The following GRK5 variants were observed in gnomAD, a reference collection of about 807,000 sequenced individuals.
The protein encoded by GRK5 is g protein-coupled receptor kinase GRK5.
In GRK5, 40 loss-of-function variants were observed where a neutral mutation model predicts 78.4. That is an observed-to-expected ratio of 0.51 (90% CI 0.40 to 0.66). The LOEUF (loss-of-function observed/expected upper bound fraction) is 0.66. Among genes scored for constraint, GRK5 ranks in the 30% least tolerant of loss-of-function variants. The pLI is 0.00. For synonymous variants in GRK5, 289 were observed against 296.8 expected (o/e 0.97, Z 0.27); for missense variants, 598 against 759.9 (o/e 0.79, Z 2.50).
intron 1 of GRK5, among the ~76,000 whole-genome samples, chr10:119,261,066 G>C (rs1178805158): frequency 5.5e-5 from 1 of 18,296 alleles, no homozygotes; most frequent in African/African-American, 9.6e-5. Flanking sequence ...CGGACGGGGC[G>C]GCTGGCCGGG....
intron 6 of GRK5, among the ~76,000 whole-genome samples, chr10:119,429,234 T>C (rs1379800112): frequency 6.6e-6 from 1 of 152,086 alleles, no homozygotes; most frequent in African/African-American, 2.4e-5. Flanking sequence ...ACCCTGGCTT[T>C]TCAGGGCCTT....
chr10:119,391,060 G>A (rs1851881149), intron 3 of GRK5, among the ~76,000 whole-genome samples: 1 of 152,210 alleles, frequency 6.6e-6, no homozygotes, highest in Admixed American at 6.5e-5. Context: ...GGTGGCTGTG[G>A]TACCTCAGGA....
At chr10:119,323,090 A>G (rs1195865496) in intron 1 of GRK5, among the ~76,000 whole-genome samples, 1 of 152,258 alleles carries the variant, frequency 6.6e-6, no homozygotes, top group Non-Finnish European at 1.5e-5. Flanking sequence ...AGGTATCTAG[A>G]GTAGTCACAA....
chr10:119,343,624 AG>A (rs1189938940), intron 2 of GRK5, among the ~76,000 whole-genome samples: 2 of 152,050 alleles, frequency 1.3e-5, no homozygotes, highest in Non-Finnish European at 2.9e-5. Context: ...TGTTTGGGAG[AG>A]GAGGTGTATT....
chr10:119,409,533 A>T (rs1852298881), intron 4 of GRK5, among the ~76,000 whole-genome samples: 1 of 151,984 alleles, frequency 6.6e-6, no homozygotes, highest in South Asian at 2.1e-4. Context: ...CAGACAGAAG[A>T]CTCAGCCACA....
At position 119,324,731 on chromosome 10, in the gene GRK5, C is replaced by T. The variant is rs139461071; in HGVS notation, c.53-1785C>T. On this transcript the variant is annotated intron_variant, in intron 1 of 15. Transcript: ENST00000392870. Reference sequence around the variant, plus strand: ...GGCCAGTGCATGGCTGAGCAGTATGCGCGTGTATGTTTATATGTACATGAA... The same window carrying T: ...GGCCAGTGCATGGCTGAGCAGTATGTGCGTGTATGTTTATATGTACATGAA... 2.3e-3 allele frequency among the ~76,000 whole-genome samples: 344 copies of T among 152,298 alleles called. 4 individuals carry two copies. Among genetic ancestry groups the T allele is most frequent in the African/African-American group, 7.7e-3 (322 of 41,556 alleles).
intron 1 of GRK5, among the ~76,000 whole-genome samples, chr10:119,242,238 G>A (rs184563096): frequency 5.0e-4 from 76 of 152,108 alleles, no homozygotes; most frequent in African/African-American, 1.8e-3. Flanking sequence ...GAAGAATAAC[G>A]ACTGAGTGAC....
At chr10:119,397,844 A>G (rs1288426036) in intron 4 of GRK5, among the ~76,000 whole-genome samples, 1 of 152,236 alleles carries the variant, frequency 6.6e-6, no homozygotes, top group Non-Finnish European at 1.5e-5. Context: ...CCCACTCTGG[A>G]CAGCCTGCTA....
At chr10:119,406,715 G>A (rs548817803) in intron 4 of GRK5, among the ~76,000 whole-genome samples, 154 of 152,348 alleles carry the variant, frequency 1.0e-3, no homozygotes, top group African/African-American at 3.3e-3. Context: ...ACAGCCTTGC[G>A]TACAGGCTGG....
Position 119,452,974 on chromosome 10 carries a change from T to G in GRK5, c.1542+166T>G, listed in dbSNP as rs1431390160. Among the ~76,000 whole-genome samples, 1 of 152,116 alleles carries G rather than the reference T, an allele frequency of 6.6e-6. No individual in the cohort carries two copies. Among genetic ancestry groups the G allele is most frequent in the Non-Finnish European group, 1.5e-5 (1 of 68,002 alleles). ...CTGTCAGTGGCCAAGTAGGGAGCTG[T>G]AGCCACCACGGGCCAGTCATTGACG... is the stretch of plus-strand genomic sequence containing the variant. On this transcript the variant is annotated intron_variant, in intron 14 of 15. Transcript: ENST00000392870. The surrounding 1 kb of genome is among the most constrained non-coding windows in gnomAD (Gnocchi z 4.4).
At chr10:119,399,348 C>A (rs1386407965) in intron 4 of GRK5, among the ~76,000 whole-genome samples, 1 of 152,168 alleles carries the variant, frequency 6.6e-6, no homozygotes, top group Non-Finnish European at 1.5e-5. Flanking sequence ...TCTCACGTGC[C>A]CCAGTGCCCC....
rs373757234 is a variant in GRK5 at position 119,221,180 on chromosome 10, C to T, written c.52+13211C>T. On this transcript the variant is annotated intron_variant, in intron 1 of 15. Transcript: ENST00000392870. ...CGGAAAAAAAAAAAAGTCCAAAGGA[C>T]CATGTAAAGCATCTCTCTCTGTCTT... Among the ~76,000 whole-genome samples, 121 of 152,030 alleles carry T rather than the reference C, an allele frequency of 8.0e-4. 3 individuals carry two copies. In the South Asian group the frequency reaches 0.023, roughly 29 times the overall value.
chr10:119,389,015 T>C (rs528235900), intron 3 of GRK5, among the ~76,000 whole-genome samples: 1 of 152,340 alleles, frequency 6.6e-6, no homozygotes, highest in Admixed American at 6.5e-5. Context: ...ACCATTTCCC[T>C]AATATCATAC....
chr10:119,403,355 C>T (rs929549943), intron 4 of GRK5, among the ~76,000 whole-genome samples: 16 of 152,072 alleles, frequency 1.1e-4, no homozygotes, highest in African/African-American at 3.6e-4. Context: ...TTAGTAGAGA[C>T]GGGGTTTCAC....
chr10:119,286,451 A>G (rs1203522769), intron 1 of GRK5, among the ~76,000 whole-genome samples: 1 of 152,188 alleles, frequency 6.6e-6, no homozygotes, highest in Non-Finnish European at 1.5e-5. Flanking sequence ...TTTCAGTACC[A>G]TCTAATTGTT....
intron 3 of GRK5, among the ~76,000 whole-genome samples, chr10:119,385,015 C>T (rs372881254): frequency 1.3e-5 from 2 of 151,912 alleles, no homozygotes; most frequent in African/African-American, 4.8e-5. Context: ...ACCAGGAAGT[C>T]GTTGGAGGAG....
chr10:119,428,508 A>C (rs1258611453), intron 6 of GRK5, among the ~76,000 whole-genome samples: 1 of 152,098 alleles, frequency 6.6e-6, no homozygotes, highest in East Asian at 1.9e-4. Context: ...TCTCATGATC[A>C]TTTTCCTCAG....
chr10:119,395,297 G>A (rs888174721), intron 3 of GRK5, among the ~76,000 whole-genome samples: 13 of 152,202 alleles, frequency 8.5e-5, no homozygotes, highest in African/African-American at 2.4e-4. Flanking sequence ...AAGGACACTC[G>A]CTCACTGTGG....
intron 1 of GRK5, among the ~76,000 whole-genome samples, chr10:119,314,307 G>T (rs956517210): frequency 1.3e-5 from 2 of 152,238 alleles, no homozygotes; most frequent in Non-Finnish European, 2.9e-5. Flanking sequence ...TGGCCTGGCT[G>T]TGCCCACATC....
Sources: allele counts gnomAD v4.1 joint callset (sites outside exome capture counted in the v4.1 genomes callset), GRCh38; gene constraint gnomAD v4.1.1; non-coding constraint Gnocchi (gnomAD v3.1); transcripts MANE v1.5; gene names NCBI Gene and HGNC (gene_info 2026-07-23, HGNC 2026-07-21).